KDM5C: variants seen among roughly 807,000 people sequenced by gnomAD.
The protein encoded by KDM5C is lysine-specific demethylase 5C.
In KDM5C, 16 loss-of-function variants were observed where a neutral mutation model predicts 110.6. The observed-to-expected ratio is 0.14, with a 90% CI of 0.10 to 0.22. The LOEUF (loss-of-function observed/expected upper bound fraction) is 0.22, where lower values mean the gene tolerates loss of function less well. KDM5C is among the 10% of genes least tolerant of loss of function. The pLI, the probability that KDM5C is intolerant of heterozygous loss-of-function variation, is 1.00. For missense variants in KDM5C, 681 were observed against 1,300.9 expected, an observed-to-expected ratio of 0.52 and a Z score of 7.33; for synonymous variants, 511 against 520.4, an observed-to-expected ratio of 0.98 and a Z score of 0.24.
intron 12 of KDM5C, 106 bp from the exon 13 acceptor site, chrX:53,202,079 A>G: frequency 1.0e-6 from 1 of 976,528 alleles, no homozygotes; most frequent in Non-Finnish European, 1.5e-6. Context: ...CTCAGGGAAC[A>G]CAGTCTGACA....
intron 14 of KDM5C, 79 bp downstream of exon 14, chrX:53,201,471 G>T: frequency 1.1e-6 from 1 of 950,233 alleles, no homozygotes; most frequent in Non-Finnish European, 1.5e-6. Flanking sequence ...AAGAGTAGAG[G>T]CTACATCTTC....
chrX:53,192,240 C>G lies in KDM5C; in HGVS notation c.*727G>C, dbSNP rs1556831185. 1 of 172,320 alleles carries G rather than the reference C, an allele frequency of 5.8e-6. No individual in the cohort carries two copies. The highest frequency in any genetic ancestry group is 3.0e-5 in the African/African-American group (1 of 33,137). The allele number at this position is 172,320 out of a possible 1,213,427, so 14.2% of individuals were successfully genotyped here. ...AATTAAAATAGGCTTCAGTTGGAAC[C>G]AAGTTTCTTGTTTTGCTTTTTTTTT... On this transcript the variant is annotated 3_prime_UTR_variant, in exon 26 of 26. Transcript: ENST00000375401.
Position 53,202,139 on chromosome X carries a change from C to G in KDM5C, c.1747-166G>C. 1.1e-5 allele frequency: 6 copies of G among 546,391 alleles called. 1 individual carries two copies. Among genetic ancestry groups the G allele is most frequent in the South Asian group, 2.8e-5 (1 of 35,363 alleles). 45.0% of individuals were successfully genotyped at this position (546,391 alleles called of 1,213,427 possible). A position where few individuals can be genotyped will look rare whatever the true frequency, so the allele number is the denominator to read the frequency against. On this transcript the variant is annotated intron_variant, in intron 12 of 25. Transcript: ENST00000375401. ...TGAAAGGAAGGACCACTGGTCTCTG[C>G]TCTCAAGGTTTTGATGTGTGTTGAG...
rs372685701 is a variant in KDM5C, at chrX:53,199,198, C to T, written c.2062-40G>A. 4 of 1,176,163 alleles carry T rather than the reference C, an allele frequency of 3.4e-6. No individual in the cohort carries two copies. The African/African-American group carries it at 7.1e-5, about 21-fold the overall frequency. On this transcript the variant is annotated intron_variant, in intron 14 of 25. Coordinates refer to ENST00000375401, the MANE Select transcript of KDM5C (RefSeq NM_004187.5). The stretch of plus-strand genomic sequence containing the variant: ...CCTATGCGTTATATATAACCAGAAC[C>T]AGGTAGCAAAATCCTCCATCTCAGC...
Position 53,196,970 on chromosome X carries a change from C to T in KDM5C, c.2697G>A (p.Gly899=). The T allele has an allele frequency of 8.4e-7, 1 of 1,194,718 alleles. No individual in the cohort carries two copies. Residue 899 remains glycine (G), a synonymous_variant, in exon 19 of 26, where the codon GGG becomes GGA. Transcript: ENST00000375401. ...CCCTCTCCAACAGGGACTGCAGTAGCCCTGGACTGGAGGGCAGTGAGGCCA... is the reference window on the plus strand; with the variant it reads ...CCCTCTCCAACAGGGACTGCAGTAGTCCTGGACTGGAGGGCAGTGAGGCCA... ...EALASLPSSP[G]LLQSLLERGR...
At position 53,192,869 on chromosome X, in the gene KDM5C, A is replaced by ACACCCCCCCCCC; in HGVS notation, c.*97_*98insGGGGGGGGGGTG. 5.6e-6 allele frequency: 1 copy of ACACCCCCCCCCC among 179,889 alleles called. No homozygotes were observed. Among genetic ancestry groups the ACACCCCCCCCCC allele is most frequent in the Non-Finnish European group, 8.9e-6 (1 of 112,556 alleles). 14.8% of individuals were successfully genotyped at this position (179,889 alleles called of 1,213,427 possible). On this transcript the variant is annotated 3_prime_UTR_variant, in exon 26 of 26. Transcript: ENST00000375401. Reference sequence around the variant, plus strand: ...GGGTAGCAGGGATGGCCACCCCCCTACCCGCCCACCCCCCAAGAAGCAGGC... The same window carrying ACACCCCCCCCCC: ...GGGTAGCAGGGATGGCCACCCCCCTACACCCCCCCCCCCCCGCCCACCCCCCAAGAAGCAGGC...
intron 24 of KDM5C, 25 bp downstream of exon 24, chrX:53,193,748 C>G: frequency 8.4e-7 from 1 of 1,191,045 alleles, no homozygotes; most frequent in Non-Finnish European, 1.1e-6. Context: ...AGTCAACAGC[C>G]TACCCACACC....
intron 1 of KDM5C, chrX:53,221,539 T>A: frequency 3.3e-6 from 1 of 301,738 alleles, no homozygotes; most frequent in East Asian, 1.0e-4. Flanking sequence ...TGACCACACC[T>A]CACAATACAC....
Position 53,199,024 on chromosome X carries a change from G to C in KDM5C, c.2196C>G (p.Ser732=). The C allele has an allele frequency of 8.2e-7, 1 of 1,212,188 alleles. No homozygotes were observed. Among genetic ancestry groups the C allele is most frequent in the Non-Finnish European group, 1.1e-6 (1 of 895,602 alleles). The change falls in exon 15 of 26, where the codon TCC becomes TCG. Residue 732 remains serine, a synonymous_variant. Transcript: ENST00000375401. ...YDCPDGLVCL[S]HINDLCKCSS... ...AGCACTTGCAGAGATCATTGATGTGGGAAAGGCAGACAAGGCCGTCTGGGC... is the reference window on the plus strand; with the variant it reads ...AGCACTTGCAGAGATCATTGATGTGCGAAAGGCAGACAAGGCCGTCTGGGC...
chrX:53,201,819 C>T lies in KDM5C; in HGVS notation c.1866+35G>A, dbSNP rs370595446. 2.4e-4 allele frequency: 286 copies of T among 1,210,087 alleles called. No individual in the cohort carries two copies. The Middle Eastern group carries it at 9.2e-3, about 39-fold the overall frequency. ...CCCCAGCTTCTCTACAACCCTCCTG[C>T]TTCTCCCCACCATCCCACCACATTC... On this transcript the variant is annotated intron_variant, in intron 13 of 25. Transcript: ENST00000375401.
At chrX:53,178,934 C>T (rs1374367477) in intron 25 of KDM5C, among the ~76,000 whole-genome samples, 2 of 111,683 alleles carry the variant, frequency 1.8e-5, no homozygotes, top group African/African-American at 6.5e-5. Flanking sequence ...CCCATCTCTA[C>T]TAAAAACACA....
At chrX:53,195,681 G>A (rs1364045963) in intron 20 of KDM5C, among the ~76,000 whole-genome samples, 1 of 111,340 alleles carries the variant, frequency 9.0e-6, no homozygotes, top group East Asian at 2.8e-4. Context: ...CATACCACCT[G>A]CTTCCCTGGC....
chrX:53,217,308 C>T (rs2073772705), intron 4 of KDM5C, 31 bp from the exon 5 acceptor site: 2 of 1,206,263 alleles, frequency 1.7e-6, no homozygotes, highest in African/African-American at 3.5e-5. Context: ...AGGGTCAGGA[C>T]ATGGACTCCA....
chrX:53,208,899 T>C (rs2073468766), intron 12 of KDM5C, among the ~76,000 whole-genome samples: 1 of 92,998 alleles, frequency 1.1e-5, no homozygotes, highest in Non-Finnish European at 2.1e-5. Flanking sequence ...CACTGCAACC[T>C]CTGCCTCCCG....
Position 53,192,667 on chromosome X carries a change from GCCCAGC to G in KDM5C, c.*294_*299del. 1 of 1,045,923 alleles carries G rather than the reference GCCCAGC, an allele frequency of 9.6e-7. No individual in the cohort carries two copies. The highest frequency in any genetic ancestry group is 1.3e-6 in the Non-Finnish European group (1 of 766,289). 86.2% of individuals were successfully genotyped at this position (1,045,923 alleles called of 1,213,427 possible). On this transcript the variant is annotated 3_prime_UTR_variant, in exon 26 of 26. Transcript: ENST00000375401. Reference sequence around the variant, plus strand: ...TGGCCTTGTCTCTGGAATGGTGATGGCCCAGCCCCAGCCACCCCCCTGCCCACCAGC... The same window carrying G: ...TGGCCTTGTCTCTGGAATGGTGATGGCCCAGCCACCCCCCTGCCCACCAGC...
intron 12 of KDM5C, among the ~76,000 whole-genome samples, chrX:53,208,400 CATATATATACACATACATAT>C (rs1474941516): frequency 1.4e-5 from 1 of 73,427 alleles, no homozygotes; most frequent in Non-Finnish European, 2.4e-5. Context: ...TGTATATATA[CATATATATACACATACATAT>C]ATATATATAT....
chrX:53,203,176 C>T (rs1436538750), intron 12 of KDM5C, among the ~76,000 whole-genome samples: 5 of 112,044 alleles, frequency 4.5e-5, no homozygotes, highest in Non-Finnish European at 7.5e-5. Flanking sequence ...CTGCTCTGAT[C>T]TTCTAGTGTT....
chrX:53,223,196 G>A (rs781892118), intron 1 of KDM5C, among the ~76,000 whole-genome samples: 43 of 111,395 alleles, frequency 3.9e-4, no homozygotes, highest in Non-Finnish European at 6.6e-4. Flanking sequence ...AGGAATTCAG[G>A]CCTCAACTAC....
intron 25 of KDM5C, among the ~76,000 whole-genome samples, chrX:53,185,167 A>T (rs1438114857): frequency 8.9e-6 from 1 of 112,238 alleles, no homozygotes; most frequent in Admixed American, 9.4e-5. Flanking sequence ...CTAGGGACAG[A>T]TTTAGACTAC....
Sources: allele counts gnomAD v4.1 joint callset (sites outside exome capture counted in the v4.1 genomes callset), GRCh38; gene constraint gnomAD v4.1.1; transcripts MANE v1.5; gene names NCBI Gene and HGNC (gene_info 2026-07-23, HGNC 2026-07-21).